The following TULP3 variants were observed in gnomAD, a reference collection of about 807,000 sequenced individuals.
TULP3 encodes the protein tubby-related protein 3.
Under a neutral mutation model 50.7 loss-of-function variants are expected in TULP3, and 38 were observed. That is an observed-to-expected ratio of 0.75 (90% CI 0.58 to 0.98). The LOEUF (loss-of-function observed/expected upper bound fraction) is 0.98. TULP3 is among the 50% of genes least tolerant of loss of function. TULP3 has a pLI of 0.00. For synonymous variants in TULP3, 183 were observed against 196.6 expected, an observed-to-expected ratio of 0.93 and a Z score of 0.58; for missense variants, 550 against 568.0, an observed-to-expected ratio of 0.97 and a Z score of 0.32.
At chr12:2,891,125 C>A in intron 1 of TULP3, 137 bp downstream of exon 1, 2 of 1,009,072 alleles carry the variant, frequency 2.0e-6, no homozygotes, top group Non-Finnish European at 2.7e-6. Context: ...CTGGTTTCGG[C>A]GGCGGGAGGC....
chr12:2,901,918 C>T (rs1198553876), intron 1 of TULP3, among the ~76,000 whole-genome samples: 1 of 152,104 alleles, frequency 6.6e-6, no homozygotes. Flanking sequence ...AGTTTTTCTT[C>T]TAAAGGATGT....
chr12:2,907,532 T>A (rs1201822933), intron 1 of TULP3, among the ~76,000 whole-genome samples: 11 of 149,654 alleles, frequency 7.4e-5, no homozygotes, highest in Admixed American at 6.7e-4. Flanking sequence ...CCTGTAGTTC[T>A]AGCTACTCAG....
chr12:2,911,356 A>ATT (rs879759940), intron 2 of TULP3, among the ~76,000 whole-genome samples: 1 of 144,228 alleles, frequency 6.9e-6, no homozygotes, highest in Non-Finnish European at 1.5e-5. Flanking sequence ...TAGTCAGTGA[A>ATT]TTTTTTTTTT....
chr12:2,937,573 A>G, intron 8 of TULP3, 58 bp from the exon 9 acceptor site: 1 of 1,190,614 alleles, frequency 8.4e-7, no homozygotes, highest in Non-Finnish European at 1.2e-6. Context: ...GTTATAAAAG[A>G]ATGTGGTCTC....
intron 8 of TULP3, among the ~76,000 whole-genome samples, chr12:2,936,393 A>AT (rs1453381769): frequency 6.6e-6 from 1 of 152,096 alleles, no homozygotes; most frequent in Non-Finnish European, 1.5e-5. Context: ...TGGGAAATAA[A>AT]TATGTGTTGG....
At chr12:2,891,066 G>T (rs1009760399) in intron 1 of TULP3, 78 bp downstream of exon 1, 6 of 1,419,356 alleles carry the variant, frequency 4.2e-6, no homozygotes, top group Non-Finnish European at 5.6e-6. Context: ...CTCTCCGGGA[G>T]CCCTGCGGGG....
rs36190881 is a variant in TULP3 at position 2,893,327 on chromosome 12, G to GTTTTTT, written c.41+2351_41+2356dup. ...GGGCTTCAGGTTGTGTGTTTAATGT[G>GTTTTTT]TTTTTTTTTTTTTTTTTCCAAACGG... is the stretch of plus-strand genomic sequence containing the variant. On this transcript the variant is annotated intron_variant, in intron 1 of 10. Coordinates refer to ENST00000448120, the MANE Select transcript of TULP3 (RefSeq NM_003324.5). Among the ~76,000 whole-genome samples the GTTTTTT allele has an allele frequency of 1.1e-3, 142 of 128,148 alleles. 7 individuals carry two copies. Among genetic ancestry groups the GTTTTTT allele is most frequent in the South Asian group, 0.011 (46 of 4,184 alleles). The allele number at this position is 128,148 out of a possible 152,430, so 84.1% of individuals were successfully genotyped here. A position where few individuals can be genotyped will look rare whatever the true frequency, so the allele number is the denominator to read the frequency against.
At chr12:2,899,143 A>C (rs1367179724) in intron 1 of TULP3, among the ~76,000 whole-genome samples, 4 of 151,854 alleles carry the variant, frequency 2.6e-5, no homozygotes, top group Non-Finnish European at 5.9e-5. Flanking sequence ...GTCAGGAGTT[A>C]GAGACCAGCC....
chr12:2,928,461 C>T lies in TULP3; in HGVS notation c.395-1787C>T, dbSNP rs953028511. Among the ~76,000 whole-genome samples, 7 of 152,118 alleles carry T rather than the reference C, an allele frequency of 4.6e-5. No homozygotes were observed. In the East Asian group the frequency reaches 7.7e-4, roughly 17 times the overall value. On this transcript the variant is annotated intron_variant, in intron 4 of 10. Transcript: ENST00000448120. ...AGGAGAATCGCTTGAACCTAGGAGG[C>T]GGAGGTTGCGGTGAGCCCAGATTGC...
chr12:2,897,687 G>A (rs1035379739), intron 1 of TULP3, among the ~76,000 whole-genome samples: 7 of 150,236 alleles, frequency 4.7e-5, no homozygotes, highest in African/African-American at 1.5e-4. Flanking sequence ...TCTTGAACTC[G>A]GGCCTCAAGT....
intron 4 of TULP3, among the ~76,000 whole-genome samples, chr12:2,929,229 G>A (rs928921448): frequency 6.0e-4 from 91 of 151,354 alleles, no homozygotes; most frequent in Non-Finnish European, 7.1e-4. Flanking sequence ...AGGCAGGAGA[G>A]TGGCGTGAAC....
intron 2 of TULP3, among the ~76,000 whole-genome samples, chr12:2,914,146 C>G (rs1306806615): frequency 2.2e-5 from 2 of 91,320 alleles, no homozygotes; most frequent in African/African-American, 1.1e-4. Context: ...TTTTTTGAGA[C>G]GGAGTTTTGC....
chr12:2,915,967 C>A (rs2098188409), intron 2 of TULP3, among the ~76,000 whole-genome samples: 1 of 152,108 alleles, frequency 6.6e-6, no homozygotes, highest in Non-Finnish European at 1.5e-5. Flanking sequence ...TAGGGTGACT[C>A]CTTGTCTAGG....
chr12:2,935,594 C>T lies in TULP3; in HGVS notation c.924+1033C>T, dbSNP rs185386288. 1.4e-3 allele frequency among the ~76,000 whole-genome samples: 213 copies of T among 152,292 alleles called. 2 individuals are homozygous for T. The South Asian group carries it at 0.025, about 18-fold the overall frequency. ...AACTTTCTTAAGTTGAAATTAATCCCATGAGATCTTATCTACATGCCTGAG... is the reference window on the plus strand; with the variant it reads ...AACTTTCTTAAGTTGAAATTAATCCTATGAGATCTTATCTACATGCCTGAG... On this transcript the variant is annotated intron_variant, in intron 8 of 10. Coordinates refer to ENST00000448120, the MANE Select transcript of TULP3 (RefSeq NM_003324.5).
intron 6 of TULP3, 90 bp downstream of exon 6, chr12:2,931,330 G>A (rs181781861): frequency 1.6e-5 from 20 of 1,260,366 alleles, no homozygotes; most frequent in Non-Finnish European, 2.2e-5. Flanking sequence ...ACTAACTCTG[G>A]TATTAGACCA....
At chr12:2,903,601 C>A (rs1281283419) in intron 1 of TULP3, among the ~76,000 whole-genome samples, 2 of 151,708 alleles carry the variant, frequency 1.3e-5, no homozygotes, top group Non-Finnish European at 2.9e-5. Context: ...ATGAAATTTG[C>A]TGAAAAGTTG....
rs1056792131 is a variant in TULP3, at chr12:2,940,019, C to G, written c.*575C>G. The G allele has an allele frequency of 3.1e-6, 4 of 1,288,242 alleles. No homozygotes were observed. Among genetic ancestry groups the G allele is most frequent in the Non-Finnish European group, 4.0e-6 (4 of 987,890 alleles). 79.8% of individuals were successfully genotyped at this position (1,288,242 alleles called of 1,614,324 possible). A position where few individuals can be genotyped will look rare whatever the true frequency, so the allele number is the denominator to read the frequency against. ...TTCCTCTCCTCTCTTCATTCCCTCA[C>G]AGCAGATTGGCCGGCACCAATCTTA... is the stretch of plus-strand genomic sequence containing the variant. On this transcript the variant is annotated 3_prime_UTR_variant, in exon 11 of 11. Coordinates refer to ENST00000448120, the MANE Select transcript of TULP3 (RefSeq NM_003324.5).
At chr12:2,910,611 G>A (rs1028688476) in intron 2 of TULP3, among the ~76,000 whole-genome samples, 1 of 152,158 alleles carries the variant, frequency 6.6e-6, no homozygotes, top group African/African-American at 2.4e-5. Context: ...CTGTAGCTAG[G>A]ATCGTTAACA....
At chr12:2,922,238 A>G in intron 3 of TULP3, 24 bp from the exon 4 acceptor site, 1 of 1,600,088 alleles carries the variant, frequency 6.2e-7, no homozygotes. Flanking sequence ...CCTTTTTTAA[A>G]ATTCATTTTA....
Sources: gnomAD v4.1 joint callset for allele counts (sites outside exome capture counted in the v4.1 genomes callset) on GRCh38, gnomAD v4.1.1 for gene constraint, MANE v1.5 for transcripts, NCBI Gene and HGNC (gene_info 2026-07-23, HGNC 2026-07-21) for gene names.